Variants in CADPS2 observed in about 807,000 individuals in gnomAD.
CADPS2 encodes the protein calcium-dependent secretion activator 2.
A neutral mutation model predicts 172.5 loss-of-function variants in CADPS2; 93 were observed. The observed-to-expected ratio is 0.54, with a 90% CI of 0.46 to 0.64. The LOEUF is 0.64. CADPS2 is among the 30% of genes least tolerant of loss of function. CADPS2 has a pLI of 0.00. For synonymous variants in CADPS2, 546 were observed against 555.2 expected (o/e 0.98, Z 0.23); for missense variants, 1,420 against 1,565.9 (o/e 0.91, Z 1.57).
chr7:122,821,437 T>C (rs996978341), intron 1 of CADPS2, among the ~76,000 whole-genome samples: 1 of 152,166 alleles, frequency 6.6e-6, no homozygotes, highest in African/African-American at 2.4e-5. Context: ...TCCCTACACA[T>C]CAAGCTCAAG....
intron 17 of CADPS2, among the ~76,000 whole-genome samples, chr7:122,431,599 T>G (rs1316848922): frequency 1.3e-5 from 2 of 152,182 alleles, no homozygotes; most frequent in Non-Finnish European, 2.9e-5. Context: ...CAGTGGGCTC[T>G]GAACCTCCCA....
intron 6 of CADPS2, among the ~76,000 whole-genome samples, chr7:122,598,517 G>A (rs4363139): frequency 0.11 from 17,194 of 152,020 alleles, 1,269 homozygotes; most frequent in African/African-American, 0.2. Context: ...AAAGTGATTC[G>A]TACAATGTCA....
At chr7:122,799,530 G>T (rs1323089802) in intron 1 of CADPS2, among the ~76,000 whole-genome samples, 2 of 151,482 alleles carry the variant, frequency 1.3e-5, no homozygotes, top group Admixed American at 1.3e-4. Context: ...GTGAACCCCG[G>T]GAGGTGGAGC....
intron 11 of CADPS2, among the ~76,000 whole-genome samples, chr7:122,489,677 T>G (rs2058119402): frequency 6.6e-6 from 1 of 152,148 alleles, no homozygotes; most frequent in African/African-American, 2.4e-5. Flanking sequence ...TAAGAACAAT[T>G]CTAGAAGGTA....
At chr7:122,529,596 G>A (rs1300580571) in intron 8 of CADPS2, among the ~76,000 whole-genome samples, 2 of 152,044 alleles carry the variant, frequency 1.3e-5, no homozygotes, top group African/African-American at 4.8e-5. Context: ...AATGGAATGG[G>A]AGGAAAATCA....
chr7:122,354,644 G>A lies in CADPS2; in HGVS notation c.3504+6144C>T, dbSNP rs114540326. ...TTTTTGGTTCTTAGTATTCCTATCC[G>A]CAAAGCTAATATGAACATTTTCATC... On this transcript the variant is annotated intron_variant, in intron 27 of 29. Transcript: ENST00000449022. Among the ~76,000 whole-genome samples, 781 of 152,038 alleles carry A rather than the reference G, an allele frequency of 5.1e-3. 10 individuals carry two copies. The highest frequency in any genetic ancestry group is 0.018 in the African/African-American group (737 of 41,484).
chr7:122,498,824 TTA>T (rs2058967661), intron 9 of CADPS2, among the ~76,000 whole-genome samples: 1 of 152,166 alleles, frequency 6.6e-6, no homozygotes, highest in African/African-American at 2.4e-5. Flanking sequence ...ATTTTATAAT[TTA>T]TGTATGTGAG....
intron 2 of CADPS2, among the ~76,000 whole-genome samples, chr7:122,723,570 A>T (rs1036744482): frequency 6.6e-6 from 1 of 152,194 alleles, no homozygotes; most frequent in African/African-American, 2.4e-5. Flanking sequence ...ACACTTTCAC[A>T]CTGCTGGTGG....
At chr7:122,632,017 G>C (rs2076625216) in intron 3 of CADPS2, among the ~76,000 whole-genome samples, 1 of 152,080 alleles carries the variant, frequency 6.6e-6, no homozygotes, top group South Asian at 2.1e-4. Context: ...CAAAGAATAT[G>C]ATTTCATTCT....
chr7:122,553,316 C>G (rs1381768833), intron 8 of CADPS2, among the ~76,000 whole-genome samples: 1 of 152,148 alleles, frequency 6.6e-6, no homozygotes, highest in Admixed American at 6.6e-5. Context: ...GCATAAATTA[C>G]TGGTGAGCAG....
At chr7:122,389,484 A>T (rs2044107258) in intron 22 of CADPS2, among the ~76,000 whole-genome samples, 1 of 151,972 alleles carries the variant, frequency 6.6e-6, no homozygotes, top group African/African-American at 2.4e-5. Context: ...CTATCACCCC[A>T]TGTATGAAGA....
intron 17 of CADPS2, among the ~76,000 whole-genome samples, chr7:122,416,960 A>C (rs559370879): frequency 6.6e-6 from 1 of 152,338 alleles, no homozygotes; most frequent in South Asian, 2.1e-4. Flanking sequence ...TCAGTTCCCA[A>C]TAAGGACATT....
At chr7:122,825,716 A>C (rs2140461779) in intron 1 of CADPS2, among the ~76,000 whole-genome samples, 1 of 152,282 alleles carries the variant, frequency 6.6e-6, no homozygotes, top group East Asian at 1.9e-4. Context: ...AGATAATTGC[A>C]GAATAATATG....
intron 3 of CADPS2, among the ~76,000 whole-genome samples, chr7:122,659,216 G>A (rs1290175535): frequency 6.6e-6 from 1 of 150,666 alleles, no homozygotes; most frequent in Non-Finnish European, 1.5e-5. Context: ...ATAGGCTAAG[G>A]GCCCTAATGT....
chr7:122,771,432 C>G (rs773888483), intron 1 of CADPS2, among the ~76,000 whole-genome samples: 2 of 152,184 alleles, frequency 1.3e-5, no homozygotes, highest in Non-Finnish European at 2.9e-5. Flanking sequence ...TTCACCCATG[C>G]ATCCATCCTA....
At chr7:122,797,366 T>A (rs1178525792) in intron 1 of CADPS2, among the ~76,000 whole-genome samples, 1 of 152,158 alleles carries the variant, frequency 6.6e-6, no homozygotes, top group Non-Finnish European at 1.5e-5. Flanking sequence ...CAAAGGAATA[T>A]AAATCATTCT....
chr7:122,687,387 T>C (rs1160045687), intron 2 of CADPS2, among the ~76,000 whole-genome samples: 1 of 152,208 alleles, frequency 6.6e-6, no homozygotes, highest in East Asian at 1.9e-4. Context: ...CCTAATGCTT[T>C]GTCCTTTACT....
chr7:122,839,621 A>G (rs1315649623), intron 1 of CADPS2, among the ~76,000 whole-genome samples: 2 of 152,244 alleles, frequency 1.3e-5, no homozygotes, highest in Admixed American at 1.3e-4. Flanking sequence ...TGGGCAAAGG[A>G]TATGAACAGA....
chr7:122,803,711 G>A lies in CADPS2; in HGVS notation c.340-66643C>T, dbSNP rs185701113. 1.2e-3 allele frequency among the ~76,000 whole-genome samples: 189 copies of A among 152,090 alleles called. 1 individual carries two copies. Among genetic ancestry groups the A allele is most frequent in the African/African-American group, 4.1e-3 (172 of 41,508 alleles). On this transcript the variant is annotated intron_variant, in intron 1 of 29. Transcript: ENST00000449022. ...TGGTAGTTTGTATGTCTGTGGGATC[G>A]GTGGTGATAAAAATTTAATGAAGAA...
Sources: gnomAD v4.1 joint callset for allele counts (sites outside exome capture counted in the v4.1 genomes callset) on GRCh38, gnomAD v4.1.1 for gene constraint, MANE v1.5 for transcripts, NCBI Gene and HGNC (gene_info 2026-07-23, HGNC 2026-07-21) for gene names.